Variants in RAB38 observed in about 807,000 individuals in gnomAD.
The protein encoded by RAB38 is RAB38, member RAS oncogene family.
A neutral mutation model predicts 18.4 loss-of-function variants in RAB38; 15 were observed. The ratio of observed to expected loss-of-function variants is 0.82; its 90% CI spans 0.55 to 1.26. The LOEUF (loss-of-function observed/expected upper bound fraction) is 1.26. Among genes scored for constraint, RAB38 ranks in the 50% most tolerant of loss-of-function variants. The pLI, the probability that RAB38 is intolerant of heterozygous loss-of-function variation, is 0.00. For missense variants in RAB38, 294 were observed against 267.4 expected (o/e 1.10, Z -0.69); for synonymous variants, 101 against 104.4 (o/e 0.97, Z 0.20).
the RAB38 span, among the ~76,000 whole-genome samples, chr11:87,809,889 C>T: frequency 7.9e-5 from 12 of 152,096 alleles, no homozygotes; most frequent in South Asian, 2.3e-3. Flanking sequence ...AAAAGATTGA[C>T]ATTAGATTTA....
At chr11:88,103,532 G>A in the RAB38 span, among the ~76,000 whole-genome samples, 1 of 152,098 alleles carries the variant, frequency 6.6e-6, no homozygotes, top group African/African-American at 2.4e-5. Context: ...AAATAGTTGA[G>A]TTTCTATTTA....
At chr11:87,923,961 G>GA in the RAB38 span, among the ~76,000 whole-genome samples, 1,614 of 134,936 alleles carry the variant, frequency 0.012, 29 homozygotes, top group African/African-American at 0.034. Context: ...AGAGAAAATT[G>GA]AAAAAAAAAA....
the RAB38 span, among the ~76,000 whole-genome samples, chr11:87,945,538 GTTGA>G: frequency 6.6e-6 from 1 of 152,098 alleles, no homozygotes; most frequent in Non-Finnish European, 1.5e-5. Context: ...CAGTGCTGTG[GTTGA>G]TTAAGGAAGG....
chr11:87,955,940 TAAC>T, the RAB38 span, among the ~76,000 whole-genome samples: 1 of 151,764 alleles, frequency 6.6e-6, no homozygotes, highest in Non-Finnish European at 1.5e-5. Context: ...TATTTTCTCT[TAAC>T]AAGACATGTC....
At chr11:88,105,084 G>A in the RAB38 span, among the ~76,000 whole-genome samples, 2 of 151,770 alleles carry the variant, frequency 1.3e-5, no homozygotes, top group Admixed American at 1.3e-4. Flanking sequence ...TTCTTGTATG[G>A]AAACACACTC....
chr11:88,076,234 C>T, the RAB38 span, among the ~76,000 whole-genome samples: 10 of 151,810 alleles, frequency 6.6e-5, no homozygotes, highest in Non-Finnish European at 1.3e-4. Context: ...TGAATAAATT[C>T]CTGGATTCAT....
chr11:87,950,341 T>C, the RAB38 span, among the ~76,000 whole-genome samples: 4 of 152,212 alleles, frequency 2.6e-5, no homozygotes, highest in Admixed American at 6.5e-5. Context: ...CTCTATCCAA[T>C]TTGCCAGTCT....
the RAB38 span, among the ~76,000 whole-genome samples, chr11:87,968,965 G>A: frequency 2.6e-5 from 4 of 152,050 alleles, no homozygotes; most frequent in African/African-American, 9.7e-5. Context: ...CATTATTTGG[G>A]TGCTCGTTAC....
At chr11:87,873,922 G>GTGTGTATATCTATATATATATATA in the RAB38 span, among the ~76,000 whole-genome samples, 1 of 103,122 alleles carries the variant, frequency 9.7e-6, no homozygotes, top group African/African-American at 3.8e-5. Context: ...GTGTGTGTGT[G>GTGTGTATATCTATATATATATATA]TATATATATA....
the RAB38 span, among the ~76,000 whole-genome samples, chr11:87,940,953 C>G: frequency 6.6e-6 from 1 of 151,698 alleles, no homozygotes; most frequent in Non-Finnish European, 1.5e-5. Context: ...TACATACTTA[C>G]TTGGTAAATG....
chr11:88,091,258 G>A, the RAB38 span, among the ~76,000 whole-genome samples: 45 of 151,996 alleles, frequency 3.0e-4, no homozygotes, highest in African/African-American at 1.1e-3. Context: ...GGACCTGGGT[G>A]AAGGTCTCTC....
At chr11:87,976,302 A>G in the RAB38 span, among the ~76,000 whole-genome samples, 1 of 142,366 alleles carries the variant, frequency 7.0e-6, no homozygotes, top group Non-Finnish European at 1.5e-5. Flanking sequence ...ATACACACAT[A>G]TATATACACA....
the RAB38 span, among the ~76,000 whole-genome samples, chr11:88,095,415 G>A: frequency 3.3e-5 from 5 of 151,806 alleles, no homozygotes; most frequent in Admixed American, 3.3e-4. Flanking sequence ...TCTATCAGCA[G>A]CCTTTGATGT....
chr11:88,035,336 T>G, the RAB38 span, among the ~76,000 whole-genome samples: 1 of 152,212 alleles, frequency 6.6e-6, no homozygotes, highest in Admixed American at 6.5e-5. Context: ...AATGTGTTTT[T>G]ATTCTCTAAC....
the RAB38 span, among the ~76,000 whole-genome samples, chr11:87,935,524 T>G: frequency 1.3e-5 from 2 of 152,084 alleles, no homozygotes; most frequent in Non-Finnish European, 2.9e-5. Flanking sequence ...CAGTTACAGT[T>G]AATTATTATT....
the RAB38 span, among the ~76,000 whole-genome samples, chr11:87,852,713 G>A: frequency 2.6e-5 from 4 of 152,162 alleles, no homozygotes; most frequent in South Asian, 2.1e-4. Flanking sequence ...CTAGAAATAC[G>A]ATGGTTTACA....
chr11:87,825,435 C>T, the RAB38 span, among the ~76,000 whole-genome samples: 33 of 152,178 alleles, frequency 2.2e-4, no homozygotes, highest in Non-Finnish European at 3.2e-4. Context: ...TTGGCTTCCT[C>T]GAAGTCCCTC....
At chr11:87,973,134 G>C in the RAB38 span, among the ~76,000 whole-genome samples, 1 of 151,850 alleles carries the variant, frequency 6.6e-6, no homozygotes, top group Non-Finnish European at 1.5e-5. Context: ...CCAGTCTCAG[G>C]TATTTCTTTA....
the RAB38 span, among the ~76,000 whole-genome samples, chr11:87,860,166 G>A: frequency 6.6e-6 from 1 of 151,916 alleles, no homozygotes; most frequent in African/African-American, 2.4e-5. Flanking sequence ...CACTATACTA[G>A]AGAAAGGAAT....
Sources: gnomAD v4.1 joint callset for allele counts (sites outside exome capture counted in the v4.1 genomes callset) on GRCh38, gnomAD v4.1.1 for gene constraint, MANE v1.5 for transcripts, NCBI Gene and HGNC (gene_info 2026-07-23, HGNC 2026-07-21) for gene names.